CTNND2: variants seen among roughly 807,000 people sequenced by gnomAD.
CTNND2 encodes catenin delta 2, also known as catenin delta-2.
In CTNND2, 22 loss-of-function variants were observed where a neutral mutation model predicts 144.4. The ratio of observed to expected loss-of-function variants is 0.15; its 90% CI spans 0.11 to 0.22. The LOEUF (loss-of-function observed/expected upper bound fraction) is 0.22, where lower values mean the gene tolerates loss of function less well. Among genes scored for constraint, CTNND2 ranks in the 10% least tolerant of loss-of-function variants. CTNND2 has a pLI of 1.00. For missense variants in CTNND2, 1,353 were observed against 1,618.8 expected (o/e 0.84, Z 2.82); for synonymous variants, 751 against 695.6 (o/e 1.08, Z -1.25).
intron 1 of CTNND2, among the ~76,000 whole-genome samples, chr5:11,757,182 C>T (rs145424670): frequency 2.1e-3 from 315 of 151,466 alleles, no homozygotes; most frequent in African/African-American, 6.8e-3. Context: ...TCGATATACA[C>T]ACATATACAC....
At chr5:11,317,133 C>A (rs1392018918) in intron 9 of CTNND2, among the ~76,000 whole-genome samples, 1 of 152,166 alleles carries the variant, frequency 6.6e-6, no homozygotes, top group African/African-American at 2.4e-5. Flanking sequence ...CATCTCACAC[C>A]AGTTAGAATG....
chr5:11,165,485 C>A lies in CTNND2; in HGVS notation c.1976-5726G>T, dbSNP rs141109781. 7.3e-3 allele frequency among the ~76,000 whole-genome samples: 1,109 copies of A among 152,268 alleles called. 8 individuals carry two copies. The highest frequency in any genetic ancestry group is 0.017 in the Middle Eastern group (5 of 294). On this transcript the variant is annotated intron_variant, in intron 11 of 21. Coordinates refer to ENST00000304623, the MANE Select transcript of CTNND2 (RefSeq NM_001332.4). Reference sequence around the variant, plus strand: ...ATGGTTTAATATTTTGGTTGATGGTCACTAGAAAATTTAAATTTCCCTGAT... The same window carrying A: ...ATGGTTTAATATTTTGGTTGATGGTAACTAGAAAATTTAAATTTCCCTGAT...
At position 11,089,895 on chromosome 5, in the gene CTNND2, G is replaced by C. The variant is rs568820147; in HGVS notation, c.2638-7049C>G. 2.0e-5 allele frequency among the ~76,000 whole-genome samples: 3 copies of C among 152,300 alleles called. No homozygotes were observed. In the South Asian group the frequency reaches 6.2e-4, roughly 32 times the overall value. On this transcript the variant is annotated intron_variant, in intron 15 of 21. Transcript: ENST00000304623. ...CTTGGCCCAGGCTCCTGTAATACCA[G>C]CTCCTCGGGAGACTGAGGCAGGAGA...
intron 16 of CTNND2, among the ~76,000 whole-genome samples, chr5:11,067,381 T>C (rs1747729312): frequency 2.0e-5 from 3 of 152,260 alleles, no homozygotes; most frequent in Non-Finnish European, 2.9e-5. Context: ...TCTCCTTTGC[T>C]TGCTCACTGA....
intron 2 of CTNND2, among the ~76,000 whole-genome samples, chr5:11,697,477 T>G (rs1785195978): frequency 6.6e-6 from 1 of 152,206 alleles, no homozygotes; most frequent in Non-Finnish European, 1.5e-5. Context: ...GCATTAAATA[T>G]TCCTTTGTAT....
At chr5:11,118,604 C>CA (rs1753787771) in intron 12 of CTNND2, among the ~76,000 whole-genome samples, 1 of 152,200 alleles carries the variant, frequency 6.6e-6, no homozygotes, top group African/African-American at 2.4e-5. Flanking sequence ...GTTGAGAACT[C>CA]AGACCCCAGC....
chr5:11,348,527 A>T (rs937885741), intron 8 of CTNND2, among the ~76,000 whole-genome samples: 1 of 151,890 alleles, frequency 6.6e-6, no homozygotes, highest in Non-Finnish European at 1.5e-5. Flanking sequence ...AAAACTAAGT[A>T]TCAACATTTA....
Position 11,481,670 on chromosome 5 carries a change from A to G in CTNND2, c.288-69601T>C, listed in dbSNP as rs571316017. Reference sequence around the variant, plus strand: ...GAGACAGAGAGACAGACAGACAGAAAGAGAGAGACAGAGAGAGAGAGAGAA... The same window carrying G: ...GAGACAGAGAGACAGACAGACAGAAGGAGAGAGACAGAGAGAGAGAGAGAA... On this transcript the variant is annotated intron_variant, in intron 3 of 21. Coordinates refer to ENST00000304623, the MANE Select transcript of CTNND2 (RefSeq NM_001332.4). Among the ~76,000 whole-genome samples, 16 of 152,262 alleles carry G rather than the reference A, an allele frequency of 1.1e-4. No individual in the cohort carries two copies. In the East Asian group the frequency reaches 3.1e-3, roughly 29 times the overall value.
Position 11,385,062 on chromosome 5 carries a change from G to A in CTNND2, c.780C>T (p.Pro260=), listed in dbSNP as rs2149799959. The A allele has an allele frequency of 1.8e-6, 2 of 1,093,788 alleles. No homozygotes were observed. The highest frequency in any genetic ancestry group is 5.2e-5 in the Admixed American group (1 of 19,050). The allele number at this position is 1,093,788 out of a possible 1,614,324, so 67.8% of individuals were successfully genotyped here. ...AALYYSSSTL[P]APPRGGSPLA... ...GCGGGGAGCCCCCGCGCGGCGGCGCGGGCAGCGTGGAGCTGGAGTAGTAGA... is the reference window on the plus strand; with the variant it reads ...GCGGGGAGCCCCCGCGCGGCGGCGCAGGCAGCGTGGAGCTGGAGTAGTAGA... Residue 260 remains proline, a synonymous_variant, in exon 7 of 22, where the codon CCC becomes CCT. Coordinates refer to ENST00000304623, the MANE Select transcript of CTNND2 (RefSeq NM_001332.4).
chr5:11,580,143 A>C (rs1261826682), intron 2 of CTNND2, among the ~76,000 whole-genome samples: 1 of 152,082 alleles, frequency 6.6e-6, no homozygotes, highest in Non-Finnish European at 1.5e-5. Context: ...CTCAAAAAGC[A>C]ATGTCCTCCT....
intron 1 of CTNND2, among the ~76,000 whole-genome samples, chr5:11,826,423 G>A (rs1226499341): frequency 6.6e-6 from 1 of 151,946 alleles, no homozygotes; most frequent in Non-Finnish European, 1.5e-5. Flanking sequence ...CAAAAGAATG[G>A]AGAAACTTTG....
intron 1 of CTNND2, among the ~76,000 whole-genome samples, chr5:11,756,228 A>AG (rs1561767960): frequency 6.6e-6 from 1 of 151,768 alleles, no homozygotes; most frequent in Non-Finnish European, 1.5e-5. Context: ...GGCTGATTCA[A>AG]GAATATAGAA....
chr5:11,403,178 T>A (rs1368170698), intron 5 of CTNND2, among the ~76,000 whole-genome samples: 1 of 152,186 alleles, frequency 6.6e-6, no homozygotes, highest in Non-Finnish European at 1.5e-5. Flanking sequence ...GCATTAGATA[T>A]ATGTCCTGAT....
intron 9 of CTNND2, among the ~76,000 whole-genome samples, chr5:11,337,513 T>C (rs934421425): frequency 3.3e-5 from 5 of 152,208 alleles, no homozygotes; most frequent in African/African-American, 1.2e-4. Context: ...CAAGACCCCA[T>C]TCTCCTTCCA....
Position 10,973,431 on chromosome 5 carries a change from C to T in CTNND2, c.*22G>A, listed in dbSNP as rs533095262. 6.5e-5 allele frequency: 100 copies of T among 1,546,024 alleles called. No homozygotes were observed. Among genetic ancestry groups the T allele is most frequent in the East Asian group, 2.5e-4 (11 of 44,142 alleles). ...GGTATGCATGCACATGCACTGTTCC[C>T]GGAGCGCCTGTGCCCTGCTCCTCAC... is the stretch of plus-strand genomic sequence containing the variant. On this transcript the variant is annotated 3_prime_UTR_variant, in exon 22 of 22. Coordinates refer to ENST00000304623, the MANE Select transcript of CTNND2 (RefSeq NM_001332.4). This position sits in a 1 kb window ranked among gnomAD's most constrained non-coding sequence, Gnocchi z 5.6.
intron 7 of CTNND2, among the ~76,000 whole-genome samples, chr5:11,367,366 G>A (rs988295385): frequency 6.6e-6 from 1 of 152,168 alleles, no homozygotes; most frequent in Non-Finnish European, 1.5e-5. Context: ...CCGTGTTCAA[G>A]AAAGAACATT....
chr5:11,897,194 A>AT (rs1403618338), intron 1 of CTNND2, among the ~76,000 whole-genome samples: 2 of 152,196 alleles, frequency 1.3e-5, no homozygotes, highest in Non-Finnish European at 2.9e-5. Flanking sequence ...GAGCTACCAA[A>AT]GAGGTTGCTC....
chr5:11,080,333 A>G (rs1189852643), intron 16 of CTNND2, among the ~76,000 whole-genome samples: 1 of 152,240 alleles, frequency 6.6e-6, no homozygotes, highest in Non-Finnish European at 1.5e-5. Flanking sequence ...GAGGATGCAG[A>G]GAAAGAGAAA....
intron 3 of CTNND2, among the ~76,000 whole-genome samples, chr5:11,441,506 G>C (rs1433790009): frequency 2.7e-5 from 4 of 150,844 alleles, no homozygotes; most frequent in Middle Eastern, 6.8e-3. Context: ...AGCCTCCTGA[G>C]TAGCTGGGAT....
Sources: allele counts gnomAD v4.1 joint callset (sites outside exome capture counted in the v4.1 genomes callset), GRCh38; gene constraint gnomAD v4.1.1; non-coding constraint Gnocchi (gnomAD v3.1); transcripts MANE v1.5; gene names NCBI Gene and HGNC (gene_info 2026-07-23, HGNC 2026-07-21).